RIMS1: variants seen among roughly 807,000 people sequenced by gnomAD.
RIMS1 encodes the protein regulating synaptic membrane exocytosis 1.
A neutral mutation model predicts 214.1 loss-of-function variants in RIMS1; 83 were observed. That is an observed-to-expected ratio of 0.39 (90% confidence interval 0.32 to 0.47). RIMS1 has a LOEUF of 0.47. RIMS1 is among the 20% of genes least tolerant of loss of function. The pLI, the probability that RIMS1 is intolerant of heterozygous loss-of-function variation, is 0.99. For missense variants in RIMS1, 2,050 were observed against 2,161.8 expected (o/e 0.95, Z 1.03); for synonymous variants, 793 against 786.8 (o/e 1.01, Z -0.13).
chr6:72,361,263 G>T (rs543522958), intron 29 of RIMS1, among the ~76,000 whole-genome samples: 1 of 151,136 alleles, frequency 6.6e-6, no homozygotes, highest in Admixed American at 6.6e-5. Flanking sequence ...ATGCCGCCAC[G>T]CCCTGCTTTT....
At position 72,182,443 on chromosome 6, in the gene RIMS1, A is replaced by T; in HGVS notation, c.972A>T (p.Ser324=). Residue 324 remains serine, a synonymous_variant, in exon 6 of 34, where the codon TCA becomes TCT. Transcript: ENST00000521978. ...RESRRLEKGR[S]QDYPDTPEKR... is the part of the protein sequence containing the mutation. ...GCCGAAGGCTTGAGAAAGGGCGATC[A>T]CAGGATTACCCAGACACGCCGGAAA... 6.2e-7 allele frequency: 1 copy of T among 1,613,920 alleles called. No homozygotes were observed. Among genetic ancestry groups the T allele is most frequent in the East Asian group, 2.2e-5 (1 of 44,876 alleles).
intron 6 of RIMS1, among the ~76,000 whole-genome samples, chr6:72,231,789 A>T (rs1289611752): frequency 6.6e-6 from 1 of 151,660 alleles, no homozygotes; most frequent in Non-Finnish European, 1.5e-5. Flanking sequence ...CTTTGCCTAT[A>T]AGAACAGTTT....
chr6:72,212,954 T>A (rs1218279636), intron 6 of RIMS1: 1 of 1,401,586 alleles, frequency 7.1e-7, no homozygotes, highest in Non-Finnish European at 9.3e-7. Context: ...CTCACACCAA[T>A]GTTTTATTTC....
chr6:72,251,457 GT>G, intron 15 of RIMS1, 89 bp downstream of exon 15: 1 of 1,091,474 alleles, frequency 9.2e-7, no homozygotes, highest in Non-Finnish European at 1.3e-6. Flanking sequence ...TTTTTTAAAT[GT>G]TTTATTAGAG....
chr6:71,890,834 G>GT (rs1159584475), intron 1 of RIMS1, among the ~76,000 whole-genome samples: 1 of 151,988 alleles, frequency 6.6e-6, no homozygotes, highest in African/African-American at 2.4e-5. Flanking sequence ...ACAATAGCCT[G>GT]TGCAGAAGGT....
intron 1 of RIMS1, among the ~76,000 whole-genome samples, chr6:71,933,502 T>C (rs1204443852): frequency 6.6e-6 from 1 of 152,106 alleles, no homozygotes; most frequent in Non-Finnish European, 1.5e-5. Context: ...GAAATATGCA[T>C]CTATGTATTT....
chr6:72,270,481 AG>A (rs949407042), intron 22 of RIMS1, among the ~76,000 whole-genome samples: 20 of 152,272 alleles, frequency 1.3e-4, no homozygotes, highest in Admixed American at 3.3e-4. Flanking sequence ...TGGGGAGTTT[AG>A]GGGCTTAAAA....
intron 1 of RIMS1, among the ~76,000 whole-genome samples, chr6:71,961,033 A>G (rs1175119074): frequency 6.6e-6 from 1 of 152,182 alleles, no homozygotes; most frequent in Non-Finnish European, 1.5e-5. Context: ...GCCCTCTCAG[A>G]TGTCTCCCTT....
In RIMS1 at chr6:72,313,526, G is replaced by A. The variant is rs745402302; in HGVS notation, c.3984G>A (p.Gln1328=). ...TTTAGTATAACATACATAAAGATCAGTACAGAAGCTGTGATAACGTCTCTG... is the reference window on the plus strand; with the variant it reads ...TTTAGTATAACATACATAAAGATCAATACAGAAGCTGTGATAACGTCTCTG... The part of the protein sequence containing the change: ...QYSKYNIHKD[Q]YRSCDNVSAK... Residue 1328 remains glutamine, a synonymous_variant, in exon 28 of 34, where the codon CAG becomes CAA. Transcript: ENST00000521978. The A allele has an allele frequency of 6.2e-7, 1 of 1,613,528 alleles. No homozygotes were observed. Among genetic ancestry groups the A allele is most frequent in the Non-Finnish European group, 8.5e-7 (1 of 1,179,670 alleles).
chr6:72,394,177 A>T (rs2098746866), intron 31 of RIMS1, among the ~76,000 whole-genome samples: 1 of 152,222 alleles, frequency 6.6e-6, no homozygotes, highest in Non-Finnish European at 1.5e-5. Flanking sequence ...GTCAGACTTC[A>T]TGAGATAAAA....
chr6:72,307,214 G>A lies in RIMS1; in HGVS notation c.3851-44G>A, dbSNP rs777382185. 3.1e-6 allele frequency: 4 copies of A among 1,271,508 alleles called. No homozygotes were observed. In the Admixed American group the frequency reaches 5.9e-5, roughly 19 times the overall value. The allele number at this position is 1,271,508 out of a possible 1,614,324, so 78.8% of individuals were successfully genotyped here. ...TCTTAAACCATTCAGTTCCTGAAAG[G>A]TTCTTCACATGTTTTAATAGGCTTC... On this transcript the variant is annotated intron_variant, in intron 26 of 33. Coordinates refer to ENST00000521978, the MANE Select transcript of RIMS1 (RefSeq NM_014989.7).
At chr6:71,916,461 T>G (rs555193728) in intron 1 of RIMS1, among the ~76,000 whole-genome samples, 1 of 152,286 alleles carries the variant, frequency 6.6e-6, no homozygotes, top group East Asian at 1.9e-4. Flanking sequence ...CTTCTAAAAA[T>G]GTACTGCCTG....
intron 2 of RIMS1, among the ~76,000 whole-genome samples, chr6:72,059,430 T>C (rs1235167195): frequency 2.0e-5 from 3 of 152,116 alleles, no homozygotes; most frequent in Non-Finnish European, 2.9e-5. Context: ...GGTTTTGCCA[T>C]GTTGCCTAGG....
chr6:72,068,061 A>G (rs866296773), intron 2 of RIMS1, among the ~76,000 whole-genome samples: 6 of 152,198 alleles, frequency 3.9e-5, no homozygotes, highest in Non-Finnish European at 7.3e-5. Context: ...CACTCTTTTG[A>G]TCACAAGATT....
intron 23 of RIMS1, among the ~76,000 whole-genome samples, chr6:72,275,175 T>C (rs917820060): frequency 2.6e-5 from 2 of 77,668 alleles, no homozygotes; most frequent in African/African-American, 9.4e-5. Context: ...TATATATATA[T>C]ATATATGCTT....
chr6:71,973,628 G>C (rs1796430914), intron 2 of RIMS1, among the ~76,000 whole-genome samples: 1 of 152,176 alleles, frequency 6.6e-6, no homozygotes. Context: ...TGTCAGGAGA[G>C]TTGTCCAGGA....
At chr6:72,352,374 C>A (rs2097483202) in intron 29 of RIMS1, among the ~76,000 whole-genome samples, 1 of 152,110 alleles carries the variant, frequency 6.6e-6, no homozygotes, top group Non-Finnish European at 1.5e-5. Context: ...GATAAGGAAA[C>A]TAAAACTCAG....
Position 72,097,087 on chromosome 6 carries a change from C to T in RIMS1, c.384C>T (p.Cys128=), listed in dbSNP as rs914659964. 1.2e-6 allele frequency: 2 copies of T among 1,613,980 alleles called. No individual in the cohort carries two copies. Among genetic ancestry groups the T allele is most frequent in the South Asian group, 1.1e-5 (1 of 91,086 alleles). ...ICHKTKFADG[C]GHLCSYCRTK... ...ATAAAACAAAGTTTGCTGATGGGTG[C>T]GGTCATCTCTGCTCCTATTGTCGCA... Residue 128 remains cysteine (C), a synonymous_variant, in exon 3 of 34, where the codon TGC becomes TGT. Coordinates refer to ENST00000521978, the MANE Select transcript of RIMS1 (RefSeq NM_014989.7).
chr6:71,968,658 C>T (rs566743609), intron 1 of RIMS1, among the ~76,000 whole-genome samples: 19 of 152,314 alleles, frequency 1.2e-4, no homozygotes, highest in African/African-American at 4.6e-4. Context: ...TATTTTTAAG[C>T]TTTCAGACAT....
Sources: gnomAD v4.1 joint callset for allele counts (sites outside exome capture counted in the v4.1 genomes callset) on GRCh38, gnomAD v4.1.1 for gene constraint, MANE v1.5 for transcripts, NCBI Gene and HGNC (gene_info 2026-07-23, HGNC 2026-07-21) for gene names.